The following SAMD14 variants were observed in gnomAD, a reference collection of about 807,000 sequenced individuals.
SAMD14 encodes sterile alpha motif domain containing 14, also known as sterile alpha motif domain-containing protein 14.
In SAMD14, 27 loss-of-function variants were observed where a neutral mutation model predicts 46.2. The observed-to-expected ratio is 0.58, with a 90% confidence interval of 0.43 to 0.81. The LOEUF (loss-of-function observed/expected upper bound fraction) is 0.81, where lower values mean the gene tolerates loss of function less well. SAMD14 is among the 30% of genes least tolerant of loss of function. The pLI is 0.00. For synonymous variants in SAMD14, 241 were observed against 254.3 expected (o/e 0.95, Z 0.50); for missense variants, 559 against 582.2 (o/e 0.96, Z 0.41).
intron 9 of SAMD14, 123 bp from the exon 10 acceptor site, chr17:50,113,171 C>G (rs1303537508): frequency 1.8e-6 from 2 of 1,103,590 alleles, no homozygotes; most frequent in East Asian, 2.6e-5. Flanking sequence ...TGGAGTGGAG[C>G]CTCCGCCTCC....
rs1386856754 is a variant in SAMD14 at position 50,110,821 on chromosome 17, T to C, written c.*2072A>G. The C allele has an allele frequency of 6.6e-6, 1 of 151,886 alleles. No homozygotes were observed. Among genetic ancestry groups the C allele is most frequent in the Non-Finnish European group, 1.5e-5 (1 of 68,060 alleles). 9.4% of individuals were successfully genotyped at this position (151,886 alleles called of 1,614,324 possible). The stretch of plus-strand genomic sequence containing the variant: ...TCCTCACATGCTCATGCCCACCCGC[T>C]CCTCCACAAGCCTAGTCCATCCTGC... On this transcript the variant is annotated 3_prime_UTR_variant, in exon 10 of 10. Coordinates refer to ENST00000330175, the MANE Select transcript of SAMD14 (RefSeq NM_001257359.2).
In SAMD14 at chr17:50,112,601, G is replaced by T; in HGVS notation, c.*292C>A. On this transcript the variant is annotated 3_prime_UTR_variant, in exon 10 of 10. Transcript: ENST00000330175. The stretch of plus-strand genomic sequence containing the variant: ...CAGCCTGACCCAGCCTCCCAGACTT[G>T]CCTCAGCCCTGGCCTCTCTGCCCTC... 3.7e-6 allele frequency: 1 copy of T among 272,040 alleles called. No individual in the cohort carries two copies. The highest frequency in any genetic ancestry group is 6.9e-6 in the Non-Finnish European group (1 of 145,352). 16.9% of individuals were successfully genotyped at this position (272,040 alleles called of 1,614,324 possible). A position where few individuals can be genotyped will look rare whatever the true frequency, so the allele number is the denominator to read the frequency against.
rs757365527 is a variant in SAMD14, at chr17:50,114,213, G to C, written c.916C>G (p.His306Asp). 8 of 1,614,188 alleles carry C rather than the reference G, an allele frequency of 5.0e-6. No individual in the cohort carries two copies. The highest frequency in any genetic ancestry group is 6.8e-6 in the Non-Finnish European group (8 of 1,180,040). Residue 306 changes from histidine to aspartate, a missense_variant, in exon 8 of 10, where the codon CAC (histidine) becomes GAC (aspartate). Transcript: ENST00000330175. ...WQEAKCSYPYHTLSQSSDEFL... is the reference protein window; with the variant it reads ...WQEAKCSYPYDTLSQSSDEFL... ...TCATCTGAAGACTGAGACAGCGTGTGGTAGGGGTAAGAACATTTGGCCTCC... is the reference window on the plus strand; with the variant it reads ...TCATCTGAAGACTGAGACAGCGTGTCGTAGGGGTAAGAACATTTGGCCTCC...
chr17:50,126,809 T>G (rs1479636324), intron 1 of SAMD14, among the ~76,000 whole-genome samples: 1 of 151,674 alleles, frequency 6.6e-6, no homozygotes, highest in Non-Finnish European at 1.5e-5. Flanking sequence ...ATCTCAAAAA[T>G]AAGTAAGTAG....
In SAMD14 at chr17:50,115,422, A is replaced by G. The variant is rs1221948309; in HGVS notation, c.822+142T>C. ...ACGAATGAATTCAGAGAATGCATGA[A>G]GTAACGGATCACTGCATGGCTCCAT... is the stretch of plus-strand genomic sequence containing the variant. On this transcript the variant is annotated intron_variant, in intron 7 of 9. Coordinates refer to ENST00000330175, the MANE Select transcript of SAMD14 (RefSeq NM_001257359.2). This position sits in a 1 kb window ranked among gnomAD's most constrained non-coding sequence, Gnocchi z 5.3. The G allele has an allele frequency of 1.3e-6, 1 of 781,526 alleles. No individual in the cohort carries two copies. The highest frequency in any genetic ancestry group is 2.0e-6 in the Non-Finnish European group (1 of 512,520). The allele number at this position is 781,526 out of a possible 1,614,324, so 48.4% of individuals were successfully genotyped here. A position where few individuals can be genotyped will look rare whatever the true frequency, so the allele number is the denominator to read the frequency against.
In SAMD14 at chr17:50,112,347, G is replaced by T. The variant is rs1038067004; in HGVS notation, c.*546C>A. On this transcript the variant is annotated 3_prime_UTR_variant, in exon 10 of 10. Coordinates refer to ENST00000330175, the MANE Select transcript of SAMD14 (RefSeq NM_001257359.2). ...TTGGCTGGGAGTCTACCCTGAGTGCGACTTGCTGCAGCGCCCACTGGCCTC... is the reference window on the plus strand; with the variant it reads ...TTGGCTGGGAGTCTACCCTGAGTGCTACTTGCTGCAGCGCCCACTGGCCTC... 6.6e-6 allele frequency: 1 copy of T among 152,402 alleles called. No homozygotes were observed. Among genetic ancestry groups the T allele is most frequent in the African/African-American group, 2.4e-5 (1 of 41,422 alleles). 9.4% of individuals were successfully genotyped at this position (152,402 alleles called of 1,614,324 possible).
Position 50,114,230 on chromosome 17 carries a change from T to G in SAMD14, c.899A>C (p.Lys300Thr). 1 of 1,614,112 alleles carries G rather than the reference T, an allele frequency of 6.2e-7. No homozygotes were observed. Reference sequence around the variant, plus strand: ...CAGCGTGTGGTAGGGGTAAGAACATTTGGCCTCCTGCCAGGGCCCACTGGG... The same window carrying G: ...CAGCGTGTGGTAGGGGTAAGAACATGTGGCCTCCTGCCAGGGCCCACTGGG... ...KIPSGPWQEAKCSYPYHTLSQ... is the reference protein window; with the variant it reads ...KIPSGPWQEATCSYPYHTLSQ... The change falls in exon 8 of 10, where the codon AAA (lysine) becomes ACA (threonine). Residue 300 changes from lysine (K) to threonine (T), a missense_variant. By Grantham distance (78) the Lys-to-Thr change is moderately conservative. Coordinates refer to ENST00000330175, the MANE Select transcript of SAMD14 (RefSeq NM_001257359.2).
intron 1 of SAMD14, 59 bp from the exon 2 acceptor site, chr17:50,125,030 G>T: frequency 6.7e-7 from 1 of 1,502,604 alleles, no homozygotes; most frequent in Non-Finnish European, 9.2e-7. Flanking sequence ...GATTCAGGCT[G>T]ACCGAGGCAG....
In SAMD14 at chr17:50,115,739, C is replaced by G. The variant is rs1442159521; in HGVS notation, c.663-16G>C. 1.2e-6 allele frequency: 2 copies of G among 1,610,448 alleles called. No homozygotes were observed. Among genetic ancestry groups the G allele is most frequent in the Middle Eastern group, 1.7e-4 (1 of 6,046 alleles). On this transcript the variant is annotated splice_polypyrimidine_tract_variant and intron_variant, in intron 6 of 9. Coordinates refer to ENST00000330175, the MANE Select transcript of SAMD14 (RefSeq NM_001257359.2). This position sits in a 1 kb window ranked among gnomAD's most constrained non-coding sequence, Gnocchi z 5.3. ...CACTGACTCCCTGCAGAGAGAGTGTCCAGCATGGGTGTGGGTACAGAGGGG... is the reference window on the plus strand; with the variant it reads ...CACTGACTCCCTGCAGAGAGAGTGTGCAGCATGGGTGTGGGTACAGAGGGG...
intron 2 of SAMD14, chr17:50,123,748 T>C (rs1911609741): frequency 4.5e-6 from 1 of 224,390 alleles, no homozygotes; most frequent in Non-Finnish European, 9.2e-6. Flanking sequence ...GCCTTTCACA[T>C]CAGGAAGCAG....
chr17:50,117,958 G>A, intron 3 of SAMD14: 2 of 677,310 alleles, frequency 3.0e-6, no homozygotes, highest in Non-Finnish European at 4.6e-6. Flanking sequence ...AGTTTCCTCA[G>A]CTGTAAAATG....
At position 50,110,210 on chromosome 17, in the gene SAMD14, C is replaced by T; in HGVS notation, c.*2683G>A. ...CAGGGGGTGGGTTCTCCCTGATGACCAGGTTCTGTCTCTATGGAAGTCACT... is the reference window on the plus strand; with the variant it reads ...CAGGGGGTGGGTTCTCCCTGATGACTAGGTTCTGTCTCTATGGAAGTCACT... On this transcript the variant is annotated 3_prime_UTR_variant, in exon 10 of 10. Coordinates refer to ENST00000330175, the MANE Select transcript of SAMD14 (RefSeq NM_001257359.2). The T allele has an allele frequency of 8.4e-7, 1 of 1,186,266 alleles. No individual in the cohort carries two copies. The highest frequency in any genetic ancestry group is 1.6e-5 in the South Asian group (1 of 63,292). The allele number at this position is 1,186,266 out of a possible 1,614,324, so 73.5% of individuals were successfully genotyped here. A position where few individuals can be genotyped will look rare whatever the true frequency, so the allele number is the denominator to read the frequency against.
intron 9 of SAMD14, chr17:50,113,330 G>A: frequency 4.9e-6 from 2 of 408,812 alleles, no homozygotes; most frequent in Non-Finnish European, 8.9e-6. Flanking sequence ...GCCCGGACCT[G>A]CCCAACCTCC....
In SAMD14 at chr17:50,115,733, G is replaced by C. The variant is rs1567719032; in HGVS notation, c.663-10C>G. 2.5e-6 allele frequency: 4 copies of C among 1,609,284 alleles called. No homozygotes were observed. The highest frequency in any genetic ancestry group is 3.3e-5 in the Admixed American group (2 of 59,864). On this transcript the variant is annotated splice_polypyrimidine_tract_variant and intron_variant, in intron 6 of 9. Coordinates refer to ENST00000330175, the MANE Select transcript of SAMD14 (RefSeq NM_001257359.2). The surrounding 1 kb of genome is among the most constrained non-coding windows in gnomAD (Gnocchi z 5.3). ...CCCCTCCACTGACTCCCTGCAGAGA[G>C]AGTGTCCAGCATGGGTGTGGGTACA...
Position 50,117,481 on chromosome 17 carries a change from G to C in SAMD14, c.425C>G (p.Pro142Arg). 1 of 1,417,648 alleles carries C rather than the reference G, an allele frequency of 7.1e-7. No homozygotes were observed. The highest frequency in any genetic ancestry group is 9.1e-7 in the Non-Finnish European group (1 of 1,094,372). 87.8% of individuals were successfully genotyped at this position (1,417,648 alleles called of 1,614,324 possible). A position where few individuals can be genotyped will look rare whatever the true frequency, so the allele number is the denominator to read the frequency against. The stretch of plus-strand genomic sequence containing the variant: ...GCTGTCGGAGGAGGGCGCGGAGCGC[G>C]GCGGAGAGCAGGAGGCGGCGGCCAG... Reference protein sequence around the residue: ...EGLAAASCSPPRSAPSSDSSP... With the variant: ...EGLAAASCSPRRSAPSSDSSP... The change falls in exon 4 of 10, where the codon CCG (proline) becomes CGG (arginine). Residue 142 changes from proline (P) to arginine (R), a missense_variant. Physicochemically the swap from Pro to Arg is moderately radical, Grantham distance 103. Coordinates refer to ENST00000330175, the MANE Select transcript of SAMD14 (RefSeq NM_001257359.2).
intron 1 of SAMD14, among the ~76,000 whole-genome samples, chr17:50,128,482 T>A (rs540164548): frequency 2.9e-4 from 39 of 135,898 alleles, no homozygotes; most frequent in Admixed American, 6.4e-4. Context: ...GCACACTCTC[T>A]CACACACACA....
At chr17:50,122,917 G>C (rs1911571751) in intron 2 of SAMD14, among the ~76,000 whole-genome samples, 1 of 152,026 alleles carries the variant, frequency 6.6e-6, no homozygotes, top group Non-Finnish European at 1.5e-5. Flanking sequence ...AGTTGTCCAG[G>C]GGGCAACCTG....
rs1910862164 is a variant in SAMD14, at chr17:50,111,742, T to C, written c.*1151A>G. 6.6e-6 allele frequency: 1 copy of C among 152,268 alleles called. No individual in the cohort carries two copies. Among genetic ancestry groups the C allele is most frequent in the African/African-American group, 2.4e-5 (1 of 41,448 alleles). The allele number at this position is 152,268 out of a possible 1,614,324, so 9.4% of individuals were successfully genotyped here. ...GCTGACCAGCGCCACACATGAACAC[T>C]TCCTCCAAGGACATTTCCTAAAAAG... On this transcript the variant is annotated 3_prime_UTR_variant, in exon 10 of 10. Transcript: ENST00000330175.
At chr17:50,113,271 C>T (rs139097379) in intron 9 of SAMD14, 51 of 543,182 alleles carry the variant, frequency 9.4e-5, no homozygotes, top group East Asian at 9.0e-4. Flanking sequence ...GGGTATTAGG[C>T]GCTTCCTCCT....
Sources: allele counts gnomAD v4.1 joint callset (sites outside exome capture counted in the v4.1 genomes callset), GRCh38; gene constraint gnomAD v4.1.1; non-coding constraint Gnocchi (gnomAD v3.1); transcripts MANE v1.5; gene names NCBI Gene and HGNC (gene_info 2026-07-23, HGNC 2026-07-21).